Variants in CAST observed in about 807,000 individuals in gnomAD.
CAST encodes calpastatin, also known as MIR583 host.
In CAST, 76 loss-of-function variants were observed where a neutral mutation model predicts 119.6. That is an observed-to-expected ratio of 0.64 (90% CI 0.53 to 0.77). The LOEUF (loss-of-function observed/expected upper bound fraction) is 0.77. Ranked by LOEUF, CAST falls within the 30% of genes least tolerant of loss-of-function variation. The probability of loss-of-function intolerance (pLI) is 0.00; values close to 1 mark genes in which losing one functional copy is unlikely to be tolerated. For missense variants in CAST, 953 were observed against 946.5 expected (o/e 1.01, Z -0.09); for synonymous variants, 319 against 331.6 (o/e 0.96, Z 0.41).
intron 3 of CAST, among the ~76,000 whole-genome samples, chr5:96,717,026 AAACTG>A (rs1757310267): frequency 6.6e-6 from 1 of 152,238 alleles, no homozygotes; most frequent in Non-Finnish European, 1.5e-5. Flanking sequence ...TAAAGTATTA[AAACTG>A]TATCTTATTC....
intron 11 of CAST, among the ~76,000 whole-genome samples, chr5:96,738,186 G>A (rs1486318635): frequency 6.6e-6 from 1 of 152,160 alleles, no homozygotes; most frequent in African/African-American, 2.4e-5. Flanking sequence ...GCTGGGCATG[G>A]TGGTACACGC....
chr5:96,004,963 G>A, the CAST span, among the ~76,000 whole-genome samples: 4 of 152,144 alleles, frequency 2.6e-5, no homozygotes, highest in African/African-American at 9.7e-5. Context: ...GTAGGTCATC[G>A]AATGGCAGAG....
At chr5:96,705,100 G>A (rs1205762038) in intron 3 of CAST, among the ~76,000 whole-genome samples, 2 of 152,058 alleles carry the variant, frequency 1.3e-5, no homozygotes, top group African/African-American at 2.4e-5. Context: ...AGGGAGGATC[G>A]CTTGAGGCCA....
At chr5:96,251,016 C>G in the CAST span, among the ~76,000 whole-genome samples, 2 of 151,484 alleles carry the variant, frequency 1.3e-5, no homozygotes, top group East Asian at 1.9e-4. Flanking sequence ...TACGAAGGTA[C>G]AAAGGTACAG....
At chr5:96,081,449 G>A in the CAST span, among the ~76,000 whole-genome samples, 1 of 152,184 alleles carries the variant, frequency 6.6e-6, no homozygotes, top group African/African-American at 2.4e-5. Context: ...CACGGAAGTG[G>A]GAAAGGGAAG....
the CAST span, among the ~76,000 whole-genome samples, chr5:96,453,768 A>G: frequency 6.6e-6 from 1 of 152,362 alleles, no homozygotes; most frequent in South Asian, 2.1e-4. Context: ...ATCAGAATAA[A>G]TGCTTTGGCA....
chr5:96,422,938 T>G, the CAST span, among the ~76,000 whole-genome samples: 1 of 144,986 alleles, frequency 6.9e-6, no homozygotes, highest in African/African-American at 2.9e-5. Flanking sequence ...GGATATAGAC[T>G]CATAAAAGAG....
At chr5:96,650,085 C>T (rs944423258) in intron 1 of CAST, among the ~76,000 whole-genome samples, 2 of 152,166 alleles carry the variant, frequency 1.3e-5, no homozygotes, top group Non-Finnish European at 2.9e-5. Flanking sequence ...GCAGAACCAG[C>T]CCTTTGCAGC....
the CAST span, among the ~76,000 whole-genome samples, chr5:96,107,830 T>C: frequency 1.3e-5 from 2 of 152,012 alleles, no homozygotes; most frequent in African/African-American, 2.4e-5. Context: ...TTCCAACTTG[T>C]TTCCATTCTC....
chr5:96,415,011 T>C, the CAST span, among the ~76,000 whole-genome samples: 6 of 152,236 alleles, frequency 3.9e-5, no homozygotes, highest in African/African-American at 1.2e-4. Flanking sequence ...TTTATTGTAA[T>C]TGAAATGTTC....
chr5:96,410,204 G>A, the CAST span, among the ~76,000 whole-genome samples: 2 of 152,212 alleles, frequency 1.3e-5, no homozygotes, highest in Admixed American at 6.5e-5. Context: ...AAAGGCGCAG[G>A]CAAGCGTGGG....
At chr5:96,219,340 T>G in the CAST span, among the ~76,000 whole-genome samples, 4 of 152,212 alleles carry the variant, frequency 2.6e-5, no homozygotes, top group African/African-American at 9.7e-5. Context: ...AAAACTATTT[T>G]TTGGTTCTCA....
chr5:96,232,840 T>C, the CAST span, among the ~76,000 whole-genome samples: 1 of 150,482 alleles, frequency 6.6e-6, no homozygotes, highest in Admixed American at 6.6e-5. Context: ...CATAAAAGTA[T>C]TAATTTACTC....
chr5:96,429,402 T>C, the CAST span: 5 of 746,740 alleles, frequency 6.7e-6, no homozygotes, highest in South Asian at 4.7e-5. Flanking sequence ...AACTTAGAGA[T>C]AGGCAACTTT....
At chr5:96,736,452 T>TA (rs903451189) in intron 10 of CAST, among the ~76,000 whole-genome samples, 11 of 148,632 alleles carry the variant, frequency 7.4e-5, no homozygotes, top group South Asian at 2.1e-4. Flanking sequence ...ACCCCTTTTT[T>TA]AAAAAAAAAC....
intron 1 of CAST, among the ~76,000 whole-genome samples, chr5:96,550,629 G>A (rs1175117656): frequency 6.6e-6 from 1 of 152,148 alleles, no homozygotes; most frequent in Non-Finnish European, 1.5e-5. Context: ...AGCTAAAGGA[G>A]CATTGTTCTA....
the CAST span, among the ~76,000 whole-genome samples, chr5:96,469,643 C>T: frequency 3.3e-5 from 5 of 151,776 alleles, no homozygotes; most frequent in Non-Finnish European, 5.9e-5. Context: ...TGAAAGAGAA[C>T]TGTCAAAATG....
Position 96,701,627 on chromosome 5 carries a change from A to C in CAST, c.210+5720A>C, listed in dbSNP as rs192997202. ...CGAGACCAGCCTGGCCAACATGGTG[A>C]AACCCTGTCTCTACTAAAAATACAA... On this transcript the variant is annotated intron_variant, in intron 3 of 31. Coordinates refer to ENST00000675179, the MANE Select transcript of CAST (RefSeq NM_001750.7). Among the ~76,000 whole-genome samples, 78 of 152,220 alleles carry C rather than the reference A, an allele frequency of 5.1e-4. 4 individuals are homozygous for C. In the East Asian group the frequency reaches 0.015, roughly 29 times the overall value.
intron 1 of CAST, among the ~76,000 whole-genome samples, chr5:96,652,141 A>T (rs1408448291): frequency 6.6e-6 from 1 of 152,230 alleles, no homozygotes; most frequent in African/African-American, 2.4e-5. Flanking sequence ...ATCTTCCTGC[A>T]GTGGCCACTA....
Sources: gnomAD v4.1 joint callset for allele counts (sites outside exome capture counted in the v4.1 genomes callset) on GRCh38, gnomAD v4.1.1 for gene constraint, MANE v1.5 for transcripts, NCBI Gene and HGNC (gene_info 2026-07-23, HGNC 2026-07-21) for gene names.